MICU3: variants seen among roughly 807,000 people sequenced by gnomAD.
MICU3 encodes calcium uptake protein 3, mitochondrial.
In MICU3, 62 loss-of-function variants were observed where a neutral mutation model predicts 66.5. The ratio of observed to expected loss-of-function variants is 0.93; its 90% confidence interval spans 0.76 to 1.15. The LOEUF is 1.15. Among genes scored for constraint, MICU3 ranks in the 50% most tolerant of loss-of-function variants. The pLI is 0.00. For missense variants in MICU3, 779 were observed against 664.4 expected, an observed-to-expected ratio of 1.17 and a Z score of -1.90; for synonymous variants, 308 against 240.7, an observed-to-expected ratio of 1.28 and a Z score of -2.59.
chr8:17,093,745 C>G lies in MICU3; in HGVS notation c.888+3161C>G, dbSNP rs552065406. ...CCTAGATCTCTAGAAATGTTTTTTG[C>G]CGTAAAATCTCTTTTAGTTATCAGA... On this transcript the variant is annotated intron_variant, in intron 8 of 14. Transcript: ENST00000318063. 2.6e-5 allele frequency among the ~76,000 whole-genome samples: 4 copies of G among 151,856 alleles called. No homozygotes were observed. In the East Asian group the frequency reaches 7.8e-4, roughly 29 times the overall value.
rs540903989 is a variant in MICU3, at chr8:17,075,166, G to C, written c.568-2617G>C. Among the ~76,000 whole-genome samples the C allele has an allele frequency of 3.9e-5, 6 of 152,146 alleles. No homozygotes were observed. The South Asian group carries it at 1.0e-3, about 26-fold the overall frequency. On this transcript the variant is annotated intron_variant, in intron 3 of 14. Transcript: ENST00000318063. ...AAGGTCCTGAACACAGAGCTTCTAT[G>C]CCTTCTTTGAGAACATGGAGTTGGG...
downstream of MICU3, among the ~76,000 whole-genome samples, chr8:17,124,253 T>C (rs1485835470): frequency 6.6e-6 from 1 of 152,136 alleles, no homozygotes; most frequent in Non-Finnish European, 1.5e-5. Context: ...GTTATTATAT[T>C]TGCTTCCTTA....
intron 11 of MICU3, 81 bp downstream of exon 11, chr8:17,105,665 C>A: frequency 1.4e-6 from 1 of 729,760 alleles, no homozygotes; most frequent in Non-Finnish European, 2.1e-6. Flanking sequence ...TTTGTTAGTT[C>A]TTTGGCTTCT....
chr8:17,067,608 T>C (rs117110636), intron 2 of MICU3, among the ~76,000 whole-genome samples: 460 of 152,216 alleles, frequency 3.0e-3, no homozygotes, highest in Non-Finnish European at 5.0e-3. Context: ...TTTTGTATTT[T>C]TGCAGAGCTG....
At chr8:17,127,049 T>C (rs1265676915), downstream of MICU3, among the ~76,000 whole-genome samples, 1 of 152,212 alleles carries the variant, frequency 6.6e-6, no homozygotes, top group Non-Finnish European at 1.5e-5. Flanking sequence ...AGCACATTAG[T>C]CTGCTAGCAG....
At chr8:17,056,621 G>A (rs1490945829) in intron 1 of MICU3, among the ~76,000 whole-genome samples, 2 of 152,234 alleles carry the variant, frequency 1.3e-5, no homozygotes, top group Non-Finnish European at 2.9e-5. Context: ...TGATGTAATA[G>A]GGATATATAA....
At chr8:17,112,660 A>G (rs754673404) in intron 11 of MICU3, among the ~76,000 whole-genome samples, 1 of 152,224 alleles carries the variant, frequency 6.6e-6, no homozygotes, top group Non-Finnish European at 1.5e-5. Flanking sequence ...GTTGAACATT[A>G]TAGTCTGTCA....
chr8:17,091,075 C>T (rs1313394358), intron 8 of MICU3, among the ~76,000 whole-genome samples: 3 of 151,876 alleles, frequency 2.0e-5, no homozygotes, highest in Non-Finnish European at 4.4e-5. Context: ...TTCCTCTGCT[C>T]TACACAAAAA....
Position 17,098,583 on chromosome 8 carries a change from A to G in MICU3, c.984+30A>G, listed in dbSNP as rs370673348. ...AATTAAACCTCAACAAGGTCCTTGTACTATTTGCCATCTTGTTAATCTAGT... is the reference window on the plus strand; with the variant it reads ...AATTAAACCTCAACAAGGTCCTTGTGCTATTTGCCATCTTGTTAATCTAGT... On this transcript the variant is annotated intron_variant, in intron 9 of 14. Transcript: ENST00000318063. 85 of 1,371,656 alleles carry G rather than the reference A, an allele frequency of 6.2e-5. 2 individuals are homozygous for G. The South Asian group carries it at 8.8e-4, about 14-fold the overall frequency. 85.0% of individuals were successfully genotyped at this position (1,371,656 alleles called of 1,614,324 possible). A position where few individuals can be genotyped will look rare whatever the true frequency, so the allele number is the denominator to read the frequency against.
chr8:17,059,205 A>G (rs1343831595), intron 1 of MICU3, among the ~76,000 whole-genome samples: 1 of 152,204 alleles, frequency 6.6e-6, no homozygotes, highest in East Asian at 1.9e-4. Flanking sequence ...CTACTCACCC[A>G]ACACATTTTA....
At chr8:17,138,003 C>T in the MICU3 span, among the ~76,000 whole-genome samples, 1 of 151,902 alleles carries the variant, frequency 6.6e-6, no homozygotes, top group African/African-American at 2.4e-5. Flanking sequence ...GCATGAACCA[C>T]CATGCCCAGC....
At position 17,045,541 on chromosome 8, in the gene MICU3, A is replaced by G. The variant is rs966909892; in HGVS notation, c.381+17881A>G. ...AGTCCCCAATGAAGTCCCGATAAAAAGACCCAAGAGGGCAGAGTTTGGGAG... is the reference window on the plus strand; with the variant it reads ...AGTCCCCAATGAAGTCCCGATAAAAGGACCCAAGAGGGCAGAGTTTGGGAG... On this transcript the variant is annotated intron_variant, in intron 1 of 14. Transcript: ENST00000318063. 4.9e-4 allele frequency among the ~76,000 whole-genome samples: 74 copies of G among 152,260 alleles called. 1 individual carries two copies. The highest frequency in any genetic ancestry group is 1.7e-3 in the African/African-American group (69 of 41,464).
At chr8:17,085,203 T>C in intron 5 of MICU3, 33 bp from the exon 6 acceptor site, 2 of 1,490,596 alleles carry the variant, frequency 1.3e-6, no homozygotes, top group Non-Finnish European at 9.3e-7. Context: ...CATTTTTCCA[T>C]TTTGTGAATA....
intron 14 of MICU3, 91 bp downstream of exon 14, chr8:17,118,866 G>A (rs1802949403): frequency 1.4e-6 from 1 of 714,598 alleles, no homozygotes; most frequent in African/African-American, 1.8e-5. Context: ...ATAGCTGAAA[G>A]AAATAGAATT....
Position 17,121,656 on chromosome 8 carries a change from G to A in MICU3, c.*1369G>A, listed in dbSNP as rs930942690. 7.2e-5 allele frequency: 11 copies of A among 152,172 alleles called. No individual in the cohort carries two copies. Among genetic ancestry groups the A allele is most frequent in the Middle Eastern group, 3.5e-3 (1 of 284 alleles). The allele number at this position is 152,172 out of a possible 1,614,324, so 9.4% of individuals were successfully genotyped here. On this transcript the variant is annotated 3_prime_UTR_variant, in exon 15 of 15. Coordinates refer to ENST00000318063, the MANE Select transcript of MICU3 (RefSeq NM_181723.3). ...GAAAACACTGACTTTGTTTTTATAAGTTATTAAATGTGAAATTGATCTGCA... is the reference window on the plus strand; with the variant it reads ...GAAAACACTGACTTTGTTTTTATAAATTATTAAATGTGAAATTGATCTGCA...
intron 11 of MICU3, among the ~76,000 whole-genome samples, chr8:17,113,764 A>G (rs1029661278): frequency 5.3e-5 from 8 of 152,150 alleles, no homozygotes; most frequent in Middle Eastern, 6.3e-3. Context: ...AAGGTTAAAA[A>G]AAATCAGGCA....
At chr8:17,065,518 G>A (rs1360764160) in intron 2 of MICU3, among the ~76,000 whole-genome samples, 1 of 152,240 alleles carries the variant, frequency 6.6e-6, no homozygotes, top group South Asian at 2.1e-4. Context: ...TTTAAAAGAT[G>A]AATGGACAAA....
intron 3 of MICU3, among the ~76,000 whole-genome samples, 180 bp downstream of exon 3, chr8:17,069,899 G>A (rs1819292511): frequency 6.6e-6 from 1 of 151,828 alleles, no homozygotes; most frequent in Non-Finnish European, 1.5e-5. Context: ...AAAATAAAAA[G>A]GTGGACGTTT....
intron 1 of MICU3, among the ~76,000 whole-genome samples, chr8:17,033,687 T>C (rs557817332): frequency 6.6e-6 from 1 of 152,172 alleles, no homozygotes; most frequent in African/African-American, 2.4e-5. Context: ...TTTGCCCGAC[T>C]TGGCCTCCCA....
Sources: allele counts gnomAD v4.1 joint callset (sites outside exome capture counted in the v4.1 genomes callset), GRCh38; gene constraint gnomAD v4.1.1; transcripts MANE v1.5; gene names NCBI Gene and HGNC (gene_info 2026-07-23, HGNC 2026-07-21).